Variants in PRPF4 observed in about 807,000 individuals in gnomAD.
PRPF4 encodes the protein pre-mRNA splicing tri-snRNP complex factor PRPF4.
PRPF4 carries 14 observed loss-of-function variants against 72.2 expected under a neutral mutation model. That is an observed-to-expected ratio of 0.19 (90% CI 0.13 to 0.30). The LOEUF (loss-of-function observed/expected upper bound fraction) is 0.30, where lower values mean the gene tolerates loss of function less well. Among genes scored for constraint, PRPF4 ranks in the 10% least tolerant of loss-of-function variants. PRPF4 has a pLI of 1.00. For missense variants in PRPF4, 478 were observed against 653.9 expected, an observed-to-expected ratio of 0.73 and a Z score of 2.93; for synonymous variants, 225 against 232.2, an observed-to-expected ratio of 0.97 and a Z score of 0.28.
chr9:113,290,600 C>A lies in PRPF4; in HGVS notation c.1145+12C>A. ...TTGGCTGGCACTGGGTAAGGCTTCT[C>A]CCATGTAGTCAGGGGCAGTTCAGTA... On this transcript the variant is annotated intron_variant, in intron 11 of 13. Transcript: ENST00000374198. 6.2e-7 allele frequency: 1 copy of A among 1,614,096 alleles called. No homozygotes were observed. The highest frequency in any genetic ancestry group is 8.5e-7 in the Non-Finnish European group (1 of 1,180,018).
At chr9:113,289,251 C>T (rs1228691965) in intron 10 of PRPF4, among the ~76,000 whole-genome samples, 2 of 152,176 alleles carry the variant, frequency 1.3e-5, no homozygotes, top group African/African-American at 4.8e-5. Context: ...ATCCATTCTC[C>T]TGTTGATGGA....
At chr9:113,287,651 A>T (rs1413743713) in intron 9 of PRPF4, among the ~76,000 whole-genome samples, 1 of 152,266 alleles carries the variant, frequency 6.6e-6, no homozygotes, top group African/African-American at 2.4e-5. Flanking sequence ...TTAGGAGCGC[A>T]GTGAGTTTTA....
rs1243099219 is a variant in PRPF4 at position 113,276,553 on chromosome 9, C to T, written c.33C>T (p.Thr11=). The T allele has an allele frequency of 1.2e-6, 2 of 1,614,068 alleles. No homozygotes were observed. Among genetic ancestry groups the T allele is most frequent in the Admixed American group, 3.3e-5 (2 of 60,010 alleles). MASSRASSTA[T]KTKAPDDLVA... ...GCAGATCTTTGATTTAGCAGGCAAC[C>T]AAAACTAAAGCACCCGACGACTTAG... Residue 11 remains threonine, a synonymous_variant, in exon 2 of 14, where the codon ACC becomes ACT. Coordinates refer to ENST00000374198, the MANE Select transcript of PRPF4 (RefSeq NM_001244926.2).
chr9:113,281,669 A>C (rs995147427), intron 3 of PRPF4, among the ~76,000 whole-genome samples: 3 of 152,158 alleles, frequency 2.0e-5, no homozygotes, highest in African/African-American at 7.2e-5. Flanking sequence ...CTGCAAGCTC[A>C]ACATGTTTTT....
At position 113,284,406 on chromosome 9, in the gene PRPF4, A is replaced by G. The variant is rs763668204; in HGVS notation, c.749+17A>G. On this transcript the variant is annotated intron_variant, in intron 7 of 13. Transcript: ENST00000374198. ...AGCTTGTTGGTAAGTTCCATTTTAC[A>G]ATGACATTTTTTCCTAAATGGGGAA... is the stretch of plus-strand genomic sequence containing the variant. 8.8e-6 allele frequency: 14 copies of G among 1,584,040 alleles called. No homozygotes were observed. The highest frequency in any genetic ancestry group is 1.1e-5 in the Non-Finnish European group (13 of 1,152,920).
chr9:113,284,067 CAAAAAAAAAA>C (rs538497931), intron 6 of PRPF4, among the ~76,000 whole-genome samples: 7 of 80,194 alleles, frequency 8.7e-5, no homozygotes, highest in Non-Finnish European at 1.8e-4. Flanking sequence ...GACTCTGTCT[CAAAAAAAAAA>C]AAAAAAAAAG....
chr9:113,275,975 C>G (rs1184880231), intron 1 of PRPF4, among the ~76,000 whole-genome samples: 1 of 152,244 alleles, frequency 6.6e-6, no homozygotes. Context: ...TTGCACCTCT[C>G]CCACTACAGC....
intron 5 of PRPF4, 48 bp from the exon 6 acceptor site, chr9:113,283,341 C>G: frequency 6.2e-7 from 1 of 1,613,214 alleles, no homozygotes; most frequent in East Asian, 2.2e-5. Context: ...CATGTGGGTC[C>G]TTGTTTACAA....
intron 8 of PRPF4, 100 bp from the exon 9 acceptor site, chr9:113,286,605 A>G (rs1832455931): frequency 7.4e-7 from 1 of 1,346,808 alleles, no homozygotes; most frequent in Non-Finnish European, 1.0e-6. Flanking sequence ...ATAGTTGAAT[A>G]GTCACTTGAA....
intron 7 of PRPF4, among the ~76,000 whole-genome samples, chr9:113,285,488 C>T (rs749759058): frequency 1.3e-5 from 2 of 148,708 alleles, no homozygotes; most frequent in Non-Finnish European, 3.0e-5. Flanking sequence ...ACGCCATTCT[C>T]CTACCTCAGC....
rs147040856 is a variant in PRPF4 at position 113,277,574 on chromosome 9, C to G, written c.205+849C>G. Among the ~76,000 whole-genome samples, 226 of 152,120 alleles carry G rather than the reference C, an allele frequency of 1.5e-3. 7 individuals carry two copies. In the East Asian group the frequency reaches 0.032, roughly 22 times the overall value. ...CTAATTTTTGTATTTTTAGTAGAGA[C>G]TGGGTTTCACCATGTTGCCCAGGCT... On this transcript the variant is annotated intron_variant, in intron 2 of 13. Coordinates refer to ENST00000374198, the MANE Select transcript of PRPF4 (RefSeq NM_001244926.2).
chr9:113,280,100 C>G (rs551488997), intron 3 of PRPF4, among the ~76,000 whole-genome samples: 1 of 152,214 alleles, frequency 6.6e-6, no homozygotes, highest in South Asian at 2.1e-4. Context: ...TAAAATTGCT[C>G]TTTGTTAAGA....
Position 113,279,011 on chromosome 9 carries a change from G to A in PRPF4, c.272G>A (p.Arg91Lys), listed in dbSNP as rs1367268063. 1.2e-6 allele frequency: 2 copies of A among 1,614,246 alleles called. No homozygotes were observed. Among genetic ancestry groups the A allele is most frequent in the Admixed American group, 3.3e-5 (2 of 60,026 alleles). Residue 91 changes from arginine to lysine, a missense_variant, in exon 3 of 14, where the codon AGA becomes AAA. Physicochemically the swap from Arg to Lys is conservative, Grantham distance 26. Transcript: ENST00000374198. The stretch of plus-strand genomic sequence containing the variant: ...GCAGAAGTATTGGCTGAGTTTGAGA[G>A]AAGGAAGCGAGCCCGGCAGATCAAT... ...RQAEVLAEFERRKRARQINVS... is the reference protein window; with the variant it reads ...RQAEVLAEFEKRKRARQINVS...
chr9:113,277,392 G>A (rs1235907078), intron 2 of PRPF4, among the ~76,000 whole-genome samples: 1 of 151,828 alleles, frequency 6.6e-6, no homozygotes, highest in Non-Finnish European at 1.5e-5. Flanking sequence ...CTTTTTGTGT[G>A]TGTGTGTGTG....
rs192499892 is a variant in PRPF4 at position 113,285,442 on chromosome 9, G to A, written c.750-790G>A. ...CGGCCAGGCTGGAGTGCAGTGGCGC[G>A]ATCTCGGCTCACTGCAAGCTCCACC... is the stretch of plus-strand genomic sequence containing the variant. On this transcript the variant is annotated intron_variant, in intron 7 of 13. Coordinates refer to ENST00000374198, the MANE Select transcript of PRPF4 (RefSeq NM_001244926.2). Among the ~76,000 whole-genome samples the A allele has an allele frequency of 9.2e-3, 1,187 of 128,974 alleles. 8 individuals are homozygous for A. Among genetic ancestry groups the A allele is most frequent in the South Asian group, 0.047 (189 of 3,980 alleles). 84.6% of individuals were successfully genotyped at this position (128,974 alleles called of 152,430 possible). A position where few individuals can be genotyped will look rare whatever the true frequency, so the allele number is the denominator to read the frequency against.
intron 8 of PRPF4, 87 bp downstream of exon 8, chr9:113,286,377 TAC>T: frequency 1.6e-6 from 2 of 1,213,490 alleles, no homozygotes; most frequent in Non-Finnish European, 2.4e-6. Flanking sequence ...TCAGACCCCA[TAC>T]ACACAGCATT....
chr9:113,276,815 A>G, intron 2 of PRPF4, 90 bp downstream of exon 2: 3 of 1,434,340 alleles, frequency 2.1e-6, no homozygotes, highest in Non-Finnish European at 2.8e-6. Context: ...ATGTCAAAAA[A>G]TTACAATTTT....
At chr9:113,283,350 A>T (rs1180047296) in intron 5 of PRPF4, 39 bp from the exon 6 acceptor site, 1 of 1,613,734 alleles carries the variant, frequency 6.2e-7, no homozygotes, top group Non-Finnish European at 8.5e-7. Flanking sequence ...CCTTGTTTAC[A>T]ACCCTGTTGC....
intron 10 of PRPF4, 126 bp downstream of exon 10, chr9:113,288,390 A>G (rs1832511875): frequency 1.2e-6 from 1 of 838,596 alleles, no homozygotes. Flanking sequence ...GCTGCAGGGA[A>G]TTGGAATCAG....
Sources: gnomAD v4.1 joint callset for allele counts (sites outside exome capture counted in the v4.1 genomes callset) on GRCh38, gnomAD v4.1.1 for gene constraint, MANE v1.5 for transcripts, NCBI Gene and HGNC (gene_info 2026-07-23, HGNC 2026-07-21) for gene names.